The following ACTN2 variants were observed in gnomAD, a reference collection of about 807,000 sequenced individuals.
ACTN2 encodes alpha-actinin-2.
ACTN2 carries 39 observed loss-of-function variants against 113.8 expected under a neutral mutation model. That is an observed-to-expected ratio of 0.34 (90% CI 0.27 to 0.45). The LOEUF (loss-of-function observed/expected upper bound fraction) is 0.45, where lower values mean the gene tolerates loss of function less well. ACTN2 is among the 20% of genes least tolerant of loss of function. The pLI is 1.00. For missense variants in ACTN2, 992 were observed against 1,177.9 expected (o/e 0.84, Z 2.31); for synonymous variants, 429 against 444.1 (o/e 0.97, Z 0.43).
chr1:236,693,308 T>C (rs1440791666), intron 1 of ACTN2, among the ~76,000 whole-genome samples: 1 of 152,138 alleles, frequency 6.6e-6, no homozygotes, highest in Non-Finnish European at 1.5e-5. Context: ...TGGTTCATTC[T>C]TTCATTCATT....
chr1:236,743,023 C>T lies in ACTN2; in HGVS notation c.1235C>T (p.Thr412Met), dbSNP rs139515659. Reference sequence around the variant, plus strand: ...GAGAAGTTCAGGCAGAAGGCCTCAACGCACGAGACTTGGGCTTATGGTAAG... The same window carrying T: ...GAGAAGTTCAGGCAGAAGGCCTCAATGCACGAGACTTGGGCTTATGGTAAG... ...LAEKFRQKAS[T>M]HETWAYGKEQ... is the part of the protein sequence containing the mutation. The change falls in exon 11 of 21, where the codon ACG becomes ATG. Residue 412 changes from threonine (T) to methionine (M), a missense_variant. Transcript: ENST00000366578. The T allele has an allele frequency of 1.6e-4, 252 of 1,614,140 alleles. 2 individuals are homozygous for T. In the Middle Eastern group the frequency reaches 3.8e-3, roughly 24 times the overall value.
chr1:236,691,075 T>G (rs1666066160), intron 1 of ACTN2, among the ~76,000 whole-genome samples: 1 of 151,740 alleles, frequency 6.6e-6, no homozygotes, highest in African/African-American at 2.4e-5. Flanking sequence ...TAGCTGGAAT[T>G]ACAGGTGCTG....
intron 4 of ACTN2, among the ~76,000 whole-genome samples, chr1:236,723,688 C>T (rs1658465463): frequency 1.3e-5 from 2 of 152,044 alleles, no homozygotes. Flanking sequence ...AACTCCTGAC[C>T]TCAGGTAATC....
chr1:236,736,737 T>C (rs1201537613), intron 8 of ACTN2: 8 of 1,005,884 alleles, frequency 8.0e-6, no homozygotes, highest in Admixed American at 2.1e-5. Context: ...ATTCAGGGAG[T>C]CTCCATCCCA....
intron 8 of ACTN2, among the ~76,000 whole-genome samples, chr1:236,735,984 T>G (rs1286352406): frequency 6.6e-6 from 1 of 152,222 alleles, no homozygotes; most frequent in Non-Finnish European, 1.5e-5. Context: ...AAAGTATTTG[T>G]GCTTTAGAAA....
chr1:236,739,064 C>G (rs4659711), intron 9 of ACTN2, among the ~76,000 whole-genome samples: 1 of 151,950 alleles, frequency 6.6e-6, no homozygotes, highest in Non-Finnish European at 1.5e-5. Flanking sequence ...TTGTAAGACA[C>G]GACTTTACGT....
chr1:236,725,789 C>G (rs1658531619), intron 4 of ACTN2, 144 bp from the exon 5 acceptor site: 1 of 770,792 alleles, frequency 1.3e-6, no homozygotes, highest in Non-Finnish European at 2.4e-6. Context: ...GATCAGGGTT[C>G]TGGCTCCTAT....
chr1:236,762,578 G>A lies in ACTN2; in HGVS notation c.2644G>A (p.Ala882Thr), dbSNP rs747843638. The A allele has an allele frequency of 2.6e-5, 42 of 1,614,038 alleles. No homozygotes were observed. The highest frequency in any genetic ancestry group is 6.7e-5 in the East Asian group (3 of 44,888). ...CAGTGTGCCTGGTGCACTGGATTAC[G>A]CTGCGTTCTCTTCCGCACTCTACGG... The part of the protein sequence containing the change: ...PGSVPGALDY[A>T]AFSSALYGES... Residue 882 changes from alanine (A) to threonine (T), a missense_variant, in exon 21 of 21, where the codon GCT (alanine) becomes ACT (threonine). Physicochemically the swap from Ala to Thr is moderately conservative, Grantham distance 58. Around this residue, in one of 3 missense-constraint regions of ACTN2, gnomAD observed 736 missense variants for 815.4 expected, o/e 0.90. Transcript: ENST00000366578.
At chr1:236,705,147 T>A (rs1255576818) in intron 1 of ACTN2, among the ~76,000 whole-genome samples, 1 of 152,150 alleles carries the variant, frequency 6.6e-6, no homozygotes, top group East Asian at 1.9e-4. Context: ...ACAAGGGCTA[T>A]GAGAGTTATG....
At chr1:236,724,185 G>A (rs1363759105) in intron 4 of ACTN2, among the ~76,000 whole-genome samples, 1 of 151,952 alleles carries the variant, frequency 6.6e-6, no homozygotes, top group African/African-American at 2.4e-5. Flanking sequence ...CGCACGTGGT[G>A]GGTGGGGGTG....
intron 1 of ACTN2, among the ~76,000 whole-genome samples, chr1:236,690,468 G>A (rs938698792): frequency 4.6e-5 from 7 of 152,154 alleles, no homozygotes; most frequent in Non-Finnish European, 8.8e-5. Flanking sequence ...CCTGGTACCC[G>A]ACTACAGTTG....
In ACTN2 at chr1:236,751,276, C is replaced by T. The variant is rs3738544; in HGVS notation, c.1657-194C>T. ...CCAATATTATTAATAGTCATCATGA[C>T]ATCCTTTTTCCATTTTCCAGGAACT... On this transcript the variant is annotated intron_variant, in intron 14 of 20. Transcript: ENST00000366578. 0.65 allele frequency among the ~76,000 whole-genome samples: 99,476 copies of T among 151,950 alleles called. 34,778 individuals carry two copies. The highest frequency in any genetic ancestry group is 0.79 in the Non-Finnish European group (53,805 of 67,976).
At chr1:236,725,736 GTCCTTTT>G (rs1658529328) in intron 4 of ACTN2, among the ~76,000 whole-genome samples, 190 bp from the exon 5 acceptor site, 1 of 152,172 alleles carries the variant, frequency 6.6e-6, no homozygotes, top group Admixed American at 6.5e-5. Context: ...CTCCTGCATT[GTCCTTTT>G]GAAGTCCCTA....
At chr1:236,713,376 C>T (rs1056822817) in intron 1 of ACTN2, among the ~76,000 whole-genome samples, 1 of 152,080 alleles carries the variant, frequency 6.6e-6, no homozygotes, top group African/African-American at 2.4e-5. Context: ...TACAGGTGTG[C>T]ATCACCATGT....
At chr1:236,737,038 C>T in intron 8 of ACTN2, 84 bp from the exon 9 acceptor site, 1 of 1,168,566 alleles carries the variant, frequency 8.6e-7, no homozygotes, top group South Asian at 1.3e-5. Context: ...CCTCCTCGTC[C>T]CCTCTCATCA....
Position 236,739,552 on chromosome 1 carries a change from C to A in ACTN2, c.1107+20C>A. ...GTGTCGGTGAGTAGCAAGCGCCAAG[C>A]CCTCCTGGCGCCACGGGAAGCCCTC... is the stretch of plus-strand genomic sequence containing the variant. On this transcript the variant is annotated intron_variant, in intron 10 of 20. Coordinates refer to ENST00000366578, the MANE Select transcript of ACTN2 (RefSeq NM_001103.4). The A allele has an allele frequency of 6.2e-7, 1 of 1,612,718 alleles. No homozygotes were observed.
chr1:236,711,983 G>C (rs1359977436), intron 1 of ACTN2, among the ~76,000 whole-genome samples: 1 of 152,162 alleles, frequency 6.6e-6, no homozygotes, highest in Non-Finnish European at 1.5e-5. Flanking sequence ...CTTAAGAAAG[G>C]ACATATGGCT....
chr1:236,689,244 A>G (rs113978874), intron 1 of ACTN2, among the ~76,000 whole-genome samples: 27 of 150,760 alleles, frequency 1.8e-4, no homozygotes, highest in African/African-American at 5.8e-4. Context: ...ATAAAGAAGT[A>G]TTTTAATTCA....
chr1:236,698,596 G>C (rs1473662015), intron 1 of ACTN2, among the ~76,000 whole-genome samples: 3 of 152,142 alleles, frequency 2.0e-5, no homozygotes, highest in African/African-American at 7.2e-5. Flanking sequence ...ATATAAGGTG[G>C]CTGATTATTT....
Sources: gnomAD v4.1 joint callset for allele counts (sites outside exome capture counted in the v4.1 genomes callset) on GRCh38, gnomAD v4.1.1 for gene constraint, gnomAD v4.1.1 regional missense constraint, MANE v1.5 for transcripts, NCBI Gene and HGNC (gene_info 2026-07-23, HGNC 2026-07-21) for gene names.